Variants in BID observed in about 807,000 individuals in gnomAD.
BID encodes BH3-interacting domain death agonist.
Under a neutral mutation model 17.4 loss-of-function variants are expected in BID, and 19 were observed. The ratio of observed to expected loss-of-function variants is 1.09; its 90% CI spans 0.76 to 1.60. The LOEUF (loss-of-function observed/expected upper bound fraction) is 1.60. Ranked by LOEUF, BID falls within the 40% of genes most tolerant of loss-of-function variation. BID has a pLI of 0.00. For synonymous variants in BID, 108 were observed against 102.8 expected (o/e 1.05, Z -0.31); for missense variants, 226 against 256.0 (o/e 0.88, Z 0.80).
intron 1 of BID, among the ~76,000 whole-genome samples, chr22:17,760,265 T>C (rs1036321163): frequency 6.7e-6 from 1 of 150,022 alleles, no homozygotes; most frequent in Non-Finnish European, 1.5e-5. Flanking sequence ...GGCCAACATC[T>C]CTACTCTACA....
chr22:17,759,241 C>CAAAACAAAAAAA (rs1601868553), intron 1 of BID, among the ~76,000 whole-genome samples: 2 of 97,082 alleles, frequency 2.1e-5, no homozygotes, highest in Admixed American at 1.2e-4. Flanking sequence ...AAACAAAAAA[C>CAAAACAAAAAAA]AAAACAAAAA....
intron 1 of BID, among the ~76,000 whole-genome samples, chr22:17,759,864 C>T (rs1406948289): frequency 6.6e-6 from 1 of 151,854 alleles, no homozygotes. Flanking sequence ...ATGTTTCGGC[C>T]GGGCGAGGTG....
rs755629886 is a variant in BID, at chr22:17,743,853, T to C, written c.173A>G (p.Gln58Arg). ...APQWEGYDEL[Q>R]TDGNRSSHSR... ...GTGGCTGCTGCGGTTGCCATCAGTCTGCAGCTCATCGTAGCCCTCCCACTG... is the reference window on the plus strand; with the variant it reads ...GTGGCTGCTGCGGTTGCCATCAGTCCGCAGCTCATCGTAGCCCTCCCACTG... The change falls in exon 3 of 6, where the codon CAG becomes CGG. Residue 58 changes from glutamine to arginine, a missense_variant. Transcript: ENST00000622694. 14 of 1,612,790 alleles carry C rather than the reference T, an allele frequency of 8.7e-6. No homozygotes were observed. The highest frequency in any genetic ancestry group is 4.0e-5 in the African/African-American group (3 of 74,920).
chr22:17,759,850 A>G (rs375469364), intron 1 of BID, among the ~76,000 whole-genome samples: 1 of 152,182 alleles, frequency 6.6e-6, no homozygotes, highest in Non-Finnish European at 1.5e-5. Context: ...AATATCATTT[A>G]AAAATGTTTC....
intron 1 of BID, among the ~76,000 whole-genome samples, chr22:17,754,868 G>A (rs1345509285): frequency 6.6e-5 from 10 of 150,972 alleles, no homozygotes; most frequent in Non-Finnish European, 1.0e-4. Context: ...AGATTCTAGC[G>A]ATTCTCCTGC....
At chr22:17,759,241 C>CAAAAA (rs1555906713) in intron 1 of BID, among the ~76,000 whole-genome samples, 32 of 97,050 alleles carry the variant, frequency 3.3e-4, no homozygotes, top group African/African-American at 1.5e-3. Context: ...AAACAAAAAA[C>CAAAAA]AAAACAAAAA....
In BID at chr22:17,756,166, CTGT is replaced by C. The variant is rs755106923; in HGVS notation, c.-58-5995_-58-5993del. Among the ~76,000 whole-genome samples, 86 of 152,178 alleles carry C rather than the reference CTGT, an allele frequency of 5.7e-4. 1 individual carries two copies. Among genetic ancestry groups the C allele is most frequent in the Admixed American group, 7.2e-4 (11 of 15,280 alleles). On this transcript the variant is annotated intron_variant, in intron 1 of 5. Coordinates refer to ENST00000622694, the MANE Select transcript of BID (RefSeq NM_001196.4). ...ACAGGCGTGAGCCACTGCAGCCGGC[CTGT>C]TGTTGTTCTTACGTGAACACATGTG...
chr22:17,767,636 C>T (rs1371500314), intron 1 of BID, among the ~76,000 whole-genome samples: 1 of 152,156 alleles, frequency 6.6e-6, no homozygotes, highest in Non-Finnish European at 1.5e-5. Context: ...CATCCGCCTA[C>T]AAAGATGAGC....
At chr22:17,755,672 G>A (rs1167914149) in intron 1 of BID, among the ~76,000 whole-genome samples, 1 of 151,676 alleles carries the variant, frequency 6.6e-6, no homozygotes, top group African/African-American at 2.4e-5. Context: ...GTGGTGGCGC[G>A]TACCTGTAAT....
chr22:17,757,194 C>G (rs2061597487), intron 1 of BID, among the ~76,000 whole-genome samples: 1 of 151,798 alleles, frequency 6.6e-6, no homozygotes, highest in African/African-American at 2.4e-5. Flanking sequence ...GCAGGCTGAT[C>G]ACCTGAGCCC....
In BID at chr22:17,743,738, TC is replaced by T. The variant is rs1430790386; in HGVS notation, c.223+64del. The T allele has an allele frequency of 2.7e-6, 4 of 1,508,264 alleles. No individual in the cohort carries two copies. In the African/African-American group the frequency reaches 5.5e-5, roughly 21 times the overall value. The allele number at this position is 1,508,264 out of a possible 1,614,324, so 93.4% of individuals were successfully genotyped here. A position where few individuals can be genotyped will look rare whatever the true frequency, so the allele number is the denominator to read the frequency against. The stretch of plus-strand genomic sequence containing the variant: ...CGGGGGTCCCTTCCAGCCCTGAGGC[TC>T]CCTGAATGTTACTGGCGACAGAGAA... On this transcript the variant is annotated intron_variant, in intron 3 of 5. Coordinates refer to ENST00000622694, the MANE Select transcript of BID (RefSeq NM_001196.4).
rs945135735 is a variant in BID at position 17,769,523 on chromosome 22, G to A, written c.-59+4858C>T. 5.3e-5 allele frequency among the ~76,000 whole-genome samples: 8 copies of A among 152,250 alleles called. No individual in the cohort carries two copies. The highest frequency in any genetic ancestry group is 1.9e-4 in the African/African-American group (8 of 41,472). ...GACGTGGCCATCAGGCCGGAAGGGT[G>A]TGTGGGCCACAGAGAAGCACCCTGA... On this transcript the variant is annotated intron_variant, in intron 1 of 5. Transcript: ENST00000622694. The surrounding 1 kb of genome is among the most constrained non-coding windows in gnomAD (Gnocchi z 4.8).
chr22:17,744,372 C>T (rs894302305), intron 2 of BID, among the ~76,000 whole-genome samples: 6 of 152,258 alleles, frequency 3.9e-5, no homozygotes, highest in Non-Finnish European at 5.9e-5. Context: ...CATCATCCGC[C>T]ATCCTGTGCT....
rs1013896196 is a variant in BID, at chr22:17,773,265, C to T, written c.-59+1116G>A. On this transcript the variant is annotated intron_variant, in intron 1 of 5. Coordinates refer to ENST00000622694, the MANE Select transcript of BID (RefSeq NM_001196.4). The surrounding 1 kb of genome is among the most constrained non-coding windows in gnomAD (Gnocchi z 4.4). ...CAACTCCTGATGCCAGAGGATCCCT[C>T]TGCGCTCCCCACACCCTTAAGACCC... 6.6e-6 allele frequency among the ~76,000 whole-genome samples: 1 copy of T among 152,154 alleles called. No individual in the cohort carries two copies. Among genetic ancestry groups the T allele is most frequent in the Non-Finnish European group, 1.5e-5 (1 of 68,018 alleles).
intron 5 of BID, 31 bp from the exon 6 acceptor site, chr22:17,735,622 C>T: frequency 1.2e-6 from 2 of 1,614,012 alleles, no homozygotes. Context: ...AAGCCAGAAT[C>T]AGCTAGGCTC....
chr22:17,766,734 C>A (rs192593252), intron 1 of BID, among the ~76,000 whole-genome samples: 7 of 151,856 alleles, frequency 4.6e-5, no homozygotes, highest in Admixed American at 4.6e-4. Context: ...GGAGTATAGG[C>A]GTCTGCCACC....
At chr22:17,739,749 G>C in intron 3 of BID, 1 of 582,180 alleles carries the variant, frequency 1.7e-6, no homozygotes, top group East Asian at 2.9e-5. Flanking sequence ...CCACAGGCAG[G>C]GCCGGTGAAG....
intron 3 of BID, 169 bp from the exon 4 acceptor site, chr22:17,739,657 C>G (rs962670271): frequency 4.5e-5 from 40 of 887,282 alleles, no homozygotes; most frequent in Middle Eastern, 3.4e-4. Flanking sequence ...GGCTGAGTAC[C>G]AGCGCTGAGC....
chr22:17,750,790 T>G (rs1384660681), intron 1 of BID, among the ~76,000 whole-genome samples: 1 of 152,086 alleles, frequency 6.6e-6, no homozygotes, highest in Non-Finnish European at 1.5e-5. Flanking sequence ...ATCACGCCAC[T>G]GCACTCCAGC....
Sources: gnomAD v4.1 joint callset for allele counts (sites outside exome capture counted in the v4.1 genomes callset) on GRCh38, gnomAD v4.1.1 for gene constraint, Gnocchi (gnomAD v3.1) non-coding constraint, MANE v1.5 for transcripts, NCBI Gene and HGNC (gene_info 2026-07-23, HGNC 2026-07-21) for gene names.